APOBEC3F: variants seen among roughly 807,000 people sequenced by gnomAD.
APOBEC3F encodes the protein DNA dC->dU-editing enzyme APOBEC-3F.
Under a neutral mutation model 45.8 loss-of-function variants are expected in APOBEC3F, and 34 were observed. The observed-to-expected ratio is 0.74, with a 90% confidence interval of 0.57 to 0.99. The LOEUF is 0.99. Among genes scored for constraint, APOBEC3F ranks in the 50% least tolerant of loss-of-function variants. The probability of loss-of-function intolerance (pLI) is 0.00; values close to 1 mark genes in which losing one functional copy is unlikely to be tolerated. For missense variants in APOBEC3F, 459 were observed against 474.1 expected, an observed-to-expected ratio of 0.97 and a Z score of 0.30; for synonymous variants, 192 against 174.4, an observed-to-expected ratio of 1.10 and a Z score of -0.80.
rs139959579 is a variant in APOBEC3F at position 39,054,421 on chromosome 22, G to A, written c.*1726G>A. Among the ~76,000 whole-genome samples, 875 of 152,060 alleles carry A rather than the reference G, an allele frequency of 5.8e-3. 5 individuals are homozygous for A. Among genetic ancestry groups the A allele is most frequent in the African/African-American group, 0.02 (840 of 41,476 alleles). On this transcript the variant is annotated 3_prime_UTR_variant, in exon 7 of 7. Transcript: ENST00000308521. ...TAATTTTTGTGTTTTTAGTAGAGACGGGGTTTCAACATCTTGACCAGGCTG... is the reference window on the plus strand; with the variant it reads ...TAATTTTTGTGTTTTTAGTAGAGACAGGGTTTCAACATCTTGACCAGGCTG...
At chr22:39,050,999 G>A (rs1222757019) in intron 5 of APOBEC3F, among the ~76,000 whole-genome samples, 3 of 152,208 alleles carry the variant, frequency 2.0e-5, no homozygotes, top group Non-Finnish European at 4.4e-5. Context: ...AGCACTTAGC[G>A]AGGCTGAGGC....
intron 2 of APOBEC3F, among the ~76,000 whole-genome samples, chr22:39,043,761 G>C (rs541181942): frequency 5.9e-5 from 9 of 151,478 alleles, no homozygotes; most frequent in Admixed American, 3.3e-4. Flanking sequence ...GCTCGCGCCT[G>C]TAATCCCAGC....
intron 2 of APOBEC3F, 95 bp downstream of exon 2, chr22:39,043,185 A>G (rs1927010115): frequency 4.8e-6 from 7 of 1,452,400 alleles, no homozygotes; most frequent in Non-Finnish European, 6.4e-6. Context: ...GCGGCGGGCT[A>G]TCCAGTGTGT....
Position 39,051,097 on chromosome 22 carries a change from C to T in APOBEC3F, c.724-977C>T, listed in dbSNP as rs572405934. On this transcript the variant is annotated intron_variant, in intron 5 of 6. Coordinates refer to ENST00000308521, the MANE Select transcript of APOBEC3F (RefSeq NM_145298.6). ...ACTAAAACTACAAAAATTAGCCAGG[C>T]GTGGGGGTGTGCCCCTGTAGTCCCA... is the stretch of plus-strand genomic sequence containing the variant. Among the ~76,000 whole-genome samples, 20 of 152,010 alleles carry T rather than the reference C, an allele frequency of 1.3e-4. No homozygotes were observed. The East Asian group carries it at 1.7e-3, about 13-fold the overall frequency.
Position 39,045,410 on chromosome 22 carries a change from C to T in APOBEC3F, c.452-18C>T, listed in dbSNP as rs768757251. ...GGGTCAGGGCAGAGCCTGACTGCTTCCTGCCTCTTCGTCTCAGAATTTGCA... is the reference window on the plus strand; with the variant it reads ...GGGTCAGGGCAGAGCCTGACTGCTTTCTGCCTCTTCGTCTCAGAATTTGCA... On this transcript the variant is annotated intron_variant, in intron 3 of 6. Transcript: ENST00000308521. 2 of 1,613,918 alleles carry T rather than the reference C, an allele frequency of 1.2e-6. No individual in the cohort carries two copies. The highest frequency in any genetic ancestry group is 8.5e-7 in the Non-Finnish European group (1 of 1,179,946).
chr22:39,043,918 G>A (rs2146341458), intron 2 of APOBEC3F, among the ~76,000 whole-genome samples: 1 of 152,208 alleles, frequency 6.6e-6, no homozygotes, highest in South Asian at 2.1e-4. Context: ...CCAGCTACTT[G>A]GGAGGCTGAG....
At chr22:39,049,328 C>T in intron 4 of APOBEC3F, 97 bp from the exon 5 acceptor site, 1 of 1,387,962 alleles carries the variant, frequency 7.2e-7, no homozygotes, top group Non-Finnish European at 9.9e-7. Context: ...AAGCAGCAGA[C>T]ATTCCCAGGG....
chr22:39,044,273 T>A, intron 2 of APOBEC3F: 1 of 1,557,734 alleles, frequency 6.4e-7, no homozygotes, highest in Non-Finnish European at 8.7e-7. Context: ...CCTGGGAGAA[T>A]GGATGCCAGA....
chr22:39,045,496 G>C lies in APOBEC3F; in HGVS notation c.520G>C (p.Asp174His), dbSNP rs1408166368. 6.2e-7 allele frequency: 1 copy of C among 1,614,124 alleles called. No homozygotes were observed. The highest frequency in any genetic ancestry group is 8.5e-7 in the Non-Finnish European group (1 of 1,180,010). ...GCCATTCATGCCTTGGTACAAATTC[G>C]ATGACAATTATGCATTCCTGCACCG... ...GQPFMPWYKF[D>H]DNYAFLHRTL... is the part of the protein sequence containing the mutation. Residue 174 changes from aspartate to histidine, a missense_variant, in exon 4 of 7, where the codon GAT becomes CAT. Physicochemically the swap from Asp to His is moderately conservative, Grantham distance 81. Coordinates refer to ENST00000308521, the MANE Select transcript of APOBEC3F (RefSeq NM_145298.6).
intron 1 of APOBEC3F, among the ~76,000 whole-genome samples, chr22:39,041,983 C>T (rs1163806668): frequency 2.0e-5 from 3 of 152,236 alleles, no homozygotes; most frequent in African/African-American, 7.2e-5. Context: ...ATGGCTCCCT[C>T]CTGCAAGGCT....
Position 39,052,452 on chromosome 22 carries a change from C to G in APOBEC3F, c.1003+99C>G, listed in dbSNP as rs1320100244. ...TGGGGCGGGGCAGTGTCCCGGGAAG[C>G]CTGCAGGGATGGCGCCAGTGTCCAC... On this transcript the variant is annotated intron_variant, in intron 6 of 6. Coordinates refer to ENST00000308521, the MANE Select transcript of APOBEC3F (RefSeq NM_145298.6). 4.9e-5 allele frequency: 77 copies of G among 1,575,998 alleles called. No homozygotes were observed. The South Asian group carries it at 8.0e-4, about 16-fold the overall frequency.
chr22:39,044,515 A>G, intron 2 of APOBEC3F: 3 of 734,832 alleles, frequency 4.1e-6, no homozygotes, highest in Non-Finnish European at 5.9e-6. Flanking sequence ...GGTTGTTGCC[A>G]GAAGTTCAGG....
intron 4 of APOBEC3F, 139 bp from the exon 5 acceptor site, chr22:39,049,286 C>T (rs1410193447): frequency 3.7e-6 from 4 of 1,089,388 alleles, no homozygotes; most frequent in African/African-American, 3.1e-5. Context: ...GCATCCCCTC[C>T]TCTTTCTCTC....
chr22:39,049,646 A>C (rs1006020442), intron 5 of APOBEC3F, 65 bp downstream of exon 5: 2 of 1,570,758 alleles, frequency 1.3e-6, no homozygotes, highest in East Asian at 4.5e-5. Flanking sequence ...AGAAAACACA[A>C]TAAGTGACGT....
chr22:39,044,124 T>C, intron 2 of APOBEC3F: 1 of 1,563,076 alleles, frequency 6.4e-7, no homozygotes, highest in Non-Finnish European at 8.7e-7. Context: ...AAGTGCTCAG[T>C]AGCCCCTTTG....
intron 5 of APOBEC3F, among the ~76,000 whole-genome samples, chr22:39,050,317 G>A (rs1436883613): frequency 6.6e-6 from 1 of 151,912 alleles, no homozygotes; most frequent in Non-Finnish European, 1.5e-5. Context: ...GTGAACCCTC[G>A]CTCCTCACCC....
chr22:39,043,460 C>T (rs1002248729), intron 2 of APOBEC3F, among the ~76,000 whole-genome samples: 1 of 135,936 alleles, frequency 7.4e-6, no homozygotes, highest in Non-Finnish European at 1.6e-5. Context: ...ACCACCACGC[C>T]CAGCTAATTT....
In APOBEC3F at chr22:39,049,491, T is replaced by C; in HGVS notation, c.633T>C (p.Tyr211=). 2 of 1,614,042 alleles carry C rather than the reference T, an allele frequency of 1.2e-6. No individual in the cohort carries two copies. Among genetic ancestry groups the C allele is most frequent in the Non-Finnish European group, 1.7e-6 (2 of 1,180,000 alleles). The part of the protein sequence containing the change: ...YFHFKNLRKA[Y]GRNESWLCFT... Reference sequence around the variant, plus strand: ...ACTTTAAAAACCTACGCAAAGCCTATGGTCGGAACGAAAGCTGGCTGTGCT... The same window carrying C: ...ACTTTAAAAACCTACGCAAAGCCTACGGTCGGAACGAAAGCTGGCTGTGCT... Residue 211 remains tyrosine (Y), a synonymous_variant, in exon 5 of 7, where the codon TAT becomes TAC. Transcript: ENST00000308521.
rs941736330 is a variant in APOBEC3F at position 39,055,933 on chromosome 22, T to C, written c.*3238T>C. Among the ~76,000 whole-genome samples, 1 of 152,202 alleles carries C rather than the reference T, an allele frequency of 6.6e-6. No homozygotes were observed. ...GCTCCAATCTTCAGATGCAAGTCTG[T>C]CAACGCTCCCAGCTGATTAAAGCCT... On this transcript the variant is annotated 3_prime_UTR_variant, in exon 7 of 7. Coordinates refer to ENST00000308521, the MANE Select transcript of APOBEC3F (RefSeq NM_145298.6).
Sources: allele counts gnomAD v4.1 joint callset (sites outside exome capture counted in the v4.1 genomes callset), GRCh38; gene constraint gnomAD v4.1.1; transcripts MANE v1.5; gene names NCBI Gene and HGNC (gene_info 2026-07-23, HGNC 2026-07-21).